The following GRAMD2A variants were observed in gnomAD, a reference collection of about 807,000 sequenced individuals.
GRAMD2A encodes GRAM domain-containing protein 2A.
GRAMD2A carries 37 observed loss-of-function variants against 51.1 expected under a neutral mutation model. The observed-to-expected ratio is 0.72, with a 90% confidence interval of 0.56 to 0.95. The LOEUF is 0.95. Among genes scored for constraint, GRAMD2A ranks in the 40% least tolerant of loss-of-function variants. The pLI is 0.00. For synonymous variants in GRAMD2A, 136 were observed against 157.1 expected (o/e 0.87, Z 1.01); for missense variants, 414 against 426.9 (o/e 0.97, Z 0.27).
chr15:72,167,115 T>C, intron 5 of GRAMD2A, 23 bp from the exon 6 acceptor site: 1 of 1,553,892 alleles, frequency 6.4e-7, no homozygotes, highest in Non-Finnish European at 8.9e-7. Context: ...GGGATGCTTC[T>C]CTCAGGACTA....
intron 1 of GRAMD2A, among the ~76,000 whole-genome samples, chr15:72,194,022 C>A (rs564825999): frequency 6.6e-6 from 1 of 152,212 alleles, no homozygotes; most frequent in African/African-American, 2.4e-5. Context: ...CTGCCCTCCC[C>A]CTCCTCCTTC....
At chr15:72,169,079 G>T in intron 2 of GRAMD2A, 83 bp from the exon 3 acceptor site, 1 of 1,266,934 alleles carries the variant, frequency 7.9e-7, no homozygotes, top group Non-Finnish European at 1.1e-6. Flanking sequence ...CCCTGGCCTT[G>T]AGCCAGAAGC....
chr15:72,162,145 C>T lies in GRAMD2A; in HGVS notation c.1061+128G>A, dbSNP rs940826453. 1.5e-5 allele frequency: 20 copies of T among 1,368,578 alleles called. No individual in the cohort carries two copies. The East Asian group carries it at 4.6e-4, about 31-fold the overall frequency. The allele number at this position is 1,368,578 out of a possible 1,614,324, so 84.8% of individuals were successfully genotyped here. A position where few individuals can be genotyped will look rare whatever the true frequency, so the allele number is the denominator to read the frequency against. On this transcript the variant is annotated intron_variant, in intron 11 of 11. Transcript: ENST00000309731. ...GGACTGGTGTACCCTGCACGCTGCC[C>T]AACCTTGCTTAGGGTCAGAAGCCAG...
chr15:72,167,722 C>T lies in GRAMD2A; in HGVS notation c.372+14G>A. 1 of 1,595,084 alleles carries T rather than the reference C, an allele frequency of 6.3e-7. No homozygotes were observed. ...CCTCACAGGGTCATGGCAGCCCTCA[C>T]CACTCATTACTACCTTGATATCCTT... On this transcript the variant is annotated intron_variant, in intron 5 of 11. Coordinates refer to ENST00000309731, the MANE Select transcript of GRAMD2A (RefSeq NM_001012642.3).
Position 72,166,721 on chromosome 15 carries a change from A to G in GRAMD2A, c.472-18T>C. 1.2e-6 allele frequency: 2 copies of G among 1,604,266 alleles called. No individual in the cohort carries two copies. Among genetic ancestry groups the G allele is most frequent in the Non-Finnish European group, 1.7e-6 (2 of 1,172,502 alleles). On this transcript the variant is annotated intron_variant, in intron 6 of 11. Transcript: ENST00000309731. The surrounding 1 kb of genome is among the most constrained non-coding windows in gnomAD (Gnocchi z 4.1). Reference sequence around the variant, plus strand: ...AAGATATACTGGGACATGGAAAGAAAACAGACAGGGGTAGGGTGAGATGAG... The same window carrying G: ...AAGATATACTGGGACATGGAAAGAAGACAGACAGGGGTAGGGTGAGATGAG...
intron 2 of GRAMD2A, 27 bp downstream of exon 2, chr15:72,169,820 A>AGG (rs2081590537): frequency 6.4e-7 from 1 of 1,553,402 alleles, no homozygotes; most frequent in African/African-American, 1.4e-5. Context: ...GTCTGTGTGT[A>AGG]TCTATGACTG....
intron 11 of GRAMD2A, 28 bp downstream of exon 11, chr15:72,162,245 A>C (rs745714383): frequency 5.2e-6 from 8 of 1,524,858 alleles, no homozygotes; most frequent in Non-Finnish European, 7.3e-6. Flanking sequence ...CTCAATATCA[A>C]AGGCATTAGA....
At chr15:72,183,737 G>C (rs1016428305) in intron 1 of GRAMD2A, among the ~76,000 whole-genome samples, 6 of 152,238 alleles carry the variant, frequency 3.9e-5, no homozygotes, top group Non-Finnish European at 7.3e-5. Context: ...GGAAGCCAAA[G>C]GAGGGTTTCA....
chr15:72,163,813 T>C (rs912668579), intron 8 of GRAMD2A, 56 bp from the exon 9 acceptor site: 66 of 1,562,094 alleles, frequency 4.2e-5, no homozygotes, highest in Non-Finnish European at 4.9e-5. Flanking sequence ...TCACTTGCCC[T>C]AAGGAGCCCA....
chr15:72,196,691 C>G (rs1299857171), intron 1 of GRAMD2A, among the ~76,000 whole-genome samples: 4 of 152,074 alleles, frequency 2.6e-5, no homozygotes, highest in Admixed American at 2.6e-4. Flanking sequence ...GCGAGGGTAC[C>G]CTCTCTCGTT....
chr15:72,187,163 AAG>A lies in GRAMD2A; in HGVS notation c.41+10566_41+10567del, dbSNP rs1596697848. 2.6e-5 allele frequency among the ~76,000 whole-genome samples: 4 copies of A among 151,278 alleles called. No individual in the cohort carries two copies. The East Asian group carries it at 7.7e-4, about 29-fold the overall frequency. On this transcript the variant is annotated intron_variant, in intron 1 of 11. Coordinates refer to ENST00000309731, the MANE Select transcript of GRAMD2A (RefSeq NM_001012642.3). ...CAACAAGAGCAAAACTCTGTCTCAA[AAG>A]AAAAAAAAAAGAAAAGAAAAGTAGA...
chr15:72,174,921 C>T (rs2081641447), intron 1 of GRAMD2A, among the ~76,000 whole-genome samples: 1 of 152,090 alleles, frequency 6.6e-6, no homozygotes, highest in Non-Finnish European at 1.5e-5. Context: ...CACACCTCCC[C>T]CAGGCTCCAA....
chr15:72,166,810 A>G lies in GRAMD2A; in HGVS notation c.472-107T>C, dbSNP rs2140545722. 9.5e-7 allele frequency: 1 copy of G among 1,057,282 alleles called. No homozygotes were observed. Among genetic ancestry groups the G allele is most frequent in the Non-Finnish European group, 1.5e-6 (1 of 688,564 alleles). 65.5% of individuals were successfully genotyped at this position (1,057,282 alleles called of 1,614,324 possible). A position where few individuals can be genotyped will look rare whatever the true frequency, so the allele number is the denominator to read the frequency against. On this transcript the variant is annotated intron_variant, in intron 6 of 11. Transcript: ENST00000309731. This position sits in a 1 kb window ranked among gnomAD's most constrained non-coding sequence, Gnocchi z 4.1. ...CACAGGCCCACAGGGGTATCAGGCC[A>G]TGAGAGCCAACAGAAGCTCTGCCTA...
In GRAMD2A at chr15:72,169,087, A is replaced by C. The variant is rs553130996; in HGVS notation, c.135-91T>G. On this transcript the variant is annotated intron_variant, in intron 2 of 11. Coordinates refer to ENST00000309731, the MANE Select transcript of GRAMD2A (RefSeq NM_001012642.3). ...AATTCTGCCCTGGCCTTGAGCCAGA[A>C]GCTTGAGGCAGAGATCAGAGACTAG... 1.8e-5 allele frequency: 21 copies of C among 1,137,290 alleles called. No individual in the cohort carries two copies. In the African/African-American group the frequency reaches 3.2e-4, roughly 17 times the overall value. The allele number at this position is 1,137,290 out of a possible 1,614,324, so 70.4% of individuals were successfully genotyped here. A position where few individuals can be genotyped will look rare whatever the true frequency, so the allele number is the denominator to read the frequency against.
intron 1 of GRAMD2A, among the ~76,000 whole-genome samples, chr15:72,193,392 A>G (rs2081782217): frequency 6.7e-6 from 1 of 149,820 alleles, no homozygotes; most frequent in African/African-American, 2.5e-5. Context: ...AATTTTTTGT[A>G]TTTTTAGTAG....
intron 1 of GRAMD2A, among the ~76,000 whole-genome samples, chr15:72,185,932 A>G (rs2081731655): frequency 6.6e-6 from 1 of 152,248 alleles, no homozygotes; most frequent in Non-Finnish European, 1.5e-5. Flanking sequence ...GAATATTTTT[A>G]AATATCAGGA....
chr15:72,184,414 C>T (rs1452568185), intron 1 of GRAMD2A, among the ~76,000 whole-genome samples: 1 of 152,260 alleles, frequency 6.6e-6, no homozygotes, highest in Non-Finnish European at 1.5e-5. Context: ...ACAGCCAGAG[C>T]TTGCGCAGGC....
chr15:72,181,259 C>A (rs1001995689), intron 1 of GRAMD2A, among the ~76,000 whole-genome samples: 2 of 152,246 alleles, frequency 1.3e-5, no homozygotes, highest in African/African-American at 4.8e-5. Flanking sequence ...TGGTCATTAT[C>A]TTAAAAGCAA....
At chr15:72,168,848 G>T in intron 3 of GRAMD2A, 91 bp downstream of exon 3, 2 of 1,156,966 alleles carry the variant, frequency 1.7e-6, no homozygotes, top group South Asian at 1.2e-5. Context: ...CTGATGACAG[G>T]CCCGGTGGCC....
Sources: gnomAD v4.1 joint callset for allele counts (sites outside exome capture counted in the v4.1 genomes callset) on GRCh38, gnomAD v4.1.1 for gene constraint, Gnocchi (gnomAD v3.1) non-coding constraint, MANE v1.5 for transcripts, NCBI Gene and HGNC (gene_info 2026-07-23, HGNC 2026-07-21) for gene names.